KDM2A: variants seen among roughly 807,000 people sequenced by gnomAD.
The protein encoded by KDM2A is lysine demethylase 2A.
Under a neutral mutation model 137.3 loss-of-function variants are expected in KDM2A, and 3 were observed. That is an observed-to-expected ratio of 0.02 (90% CI 0.01 to 0.06). The LOEUF (loss-of-function observed/expected upper bound fraction) is 0.06, where lower values mean the gene tolerates loss of function less well. Among genes scored for constraint, KDM2A ranks in the 10% least tolerant of loss-of-function variants. The pLI, the probability that KDM2A is intolerant of heterozygous loss-of-function variation, is 1.00. For missense variants in KDM2A, 738 were observed against 1,510.6 expected, an observed-to-expected ratio of 0.49 and a Z score of 8.48; for synonymous variants, 512 against 541.5, an observed-to-expected ratio of 0.95 and a Z score of 0.76.
intron 2 of KDM2A, among the ~76,000 whole-genome samples, chr11:67,128,774 C>T (rs1855787865): frequency 6.6e-6 from 1 of 152,152 alleles, no homozygotes; most frequent in Non-Finnish European, 1.5e-5. Flanking sequence ...AGAGTTGGGG[C>T]TTTGTTTTTG....
At chr11:67,240,006 G>T in intron 12 of KDM2A, 1 of 1,270,916 alleles carries the variant, frequency 7.9e-7, no homozygotes, top group Non-Finnish European at 1.0e-6. Flanking sequence ...CCTCTGCCTG[G>T]CTCGCTCACT....
chr11:67,129,076 C>T (rs539209818), intron 2 of KDM2A, among the ~76,000 whole-genome samples: 1 of 152,114 alleles, frequency 6.6e-6, no homozygotes, highest in Non-Finnish European at 1.5e-5. Flanking sequence ...GAGCAAGACC[C>T]TGTCTCTAAA....
At chr11:67,234,381 A>C (rs900355633) in intron 12 of KDM2A, among the ~76,000 whole-genome samples, 2 of 152,212 alleles carry the variant, frequency 1.3e-5, no homozygotes, top group African/African-American at 2.4e-5. Context: ...GTTGTAACCT[A>C]TCTGGCTTTC....
intron 2 of KDM2A, among the ~76,000 whole-genome samples, chr11:67,179,659 G>A (rs1351204894): frequency 6.6e-6 from 1 of 152,152 alleles, no homozygotes; most frequent in Non-Finnish European, 1.5e-5. Flanking sequence ...ATGTGTTTTT[G>A]AGATTGCTTT....
At chr11:67,120,699 G>A (rs1209553842) in intron 1 of KDM2A, among the ~76,000 whole-genome samples, 1 of 152,172 alleles carries the variant, frequency 6.6e-6, no homozygotes, top group Non-Finnish European at 1.5e-5. Context: ...GTCTAGAAAG[G>A]AAGGCGACGA....
chr11:67,206,180 C>T (rs556797074), intron 5 of KDM2A, among the ~76,000 whole-genome samples: 1 of 152,298 alleles, frequency 6.6e-6, no homozygotes, highest in Admixed American at 6.5e-5. Context: ...TGTGTAATCC[C>T]AGCATTTTGG....
chr11:67,164,763 TA>T (rs1856704064), intron 2 of KDM2A, among the ~76,000 whole-genome samples: 1 of 151,782 alleles, frequency 6.6e-6, no homozygotes, highest in African/African-American at 2.4e-5. Context: ...TGGGACTGGT[TA>T]TTTTTTGTAT....
chr11:67,153,259 C>T (rs918260639), intron 2 of KDM2A, among the ~76,000 whole-genome samples: 4 of 152,084 alleles, frequency 2.6e-5, no homozygotes, highest in Non-Finnish European at 5.9e-5. Context: ...GCTGGGATTA[C>T]AGGTGTGAGC....
chr11:67,150,866 G>T (rs950082590), intron 2 of KDM2A, among the ~76,000 whole-genome samples: 27 of 151,966 alleles, frequency 1.8e-4, no homozygotes, highest in Admixed American at 3.9e-4. Flanking sequence ...AGGTGGGGGT[G>T]GGGTGGAGAA....
At chr11:67,126,537 G>C (rs1391993749) in intron 2 of KDM2A, among the ~76,000 whole-genome samples, 1 of 151,726 alleles carries the variant, frequency 6.6e-6, no homozygotes, top group Non-Finnish European at 1.5e-5. Flanking sequence ...GTGGAACCCT[G>C]TCTCTACTAA....
At chr11:67,181,517 T>C (rs574700420) in intron 4 of KDM2A, 119 bp downstream of exon 4, 506 of 679,968 alleles carry the variant, frequency 7.4e-4, no homozygotes, top group Non-Finnish European at 1.1e-3. Flanking sequence ...TTTCCCACTT[T>C]GTTTTAAAAG....
At chr11:67,240,032 C>G (rs1858980570) in intron 12 of KDM2A, 9 of 1,305,658 alleles carry the variant, frequency 6.9e-6, no homozygotes, top group South Asian at 4.8e-5. Flanking sequence ...TCGGCTCCCC[C>G]TCCTGCCATC....
chr11:67,254,056 A>G lies in KDM2A; in HGVS notation c.3092-147A>G. The G allele has an allele frequency of 1.5e-6, 1 of 656,556 alleles. No homozygotes were observed. Among genetic ancestry groups the G allele is most frequent in the Non-Finnish European group, 2.6e-6 (1 of 386,556 alleles). The allele number at this position is 656,556 out of a possible 1,614,324, so 40.7% of individuals were successfully genotyped here. On this transcript the variant is annotated intron_variant, in intron 19 of 20. Coordinates refer to ENST00000529006, the MANE Select transcript of KDM2A (RefSeq NM_012308.3). The surrounding 1 kb of genome is among the most constrained non-coding windows in gnomAD (Gnocchi z 4.7). ...TAGAAACTGCCTACACCCAGTGCTC[A>G]CACCCTGAAGGCATGGCTGGGTGTG...
intron 2 of KDM2A, among the ~76,000 whole-genome samples, chr11:67,150,127 A>C (rs1648904927): frequency 6.6e-6 from 1 of 152,242 alleles, no homozygotes; most frequent in South Asian, 2.1e-4. Context: ...TTACAACCCT[A>C]GACAAGTTTA....
intron 5 of KDM2A, among the ~76,000 whole-genome samples, chr11:67,204,578 G>T (rs1339139414): frequency 6.7e-6 from 1 of 150,302 alleles, no homozygotes; most frequent in South Asian, 2.1e-4. Context: ...TGCAAGCTCC[G>T]CCTCCTGGGT....
At position 67,155,937 on chromosome 11, in the gene KDM2A, TAA is replaced by T. The variant is rs770113717; in HGVS notation, c.43-24123_43-24122del. Among the ~76,000 whole-genome samples the T allele has an allele frequency of 1.1e-3, 117 of 104,272 alleles. 1 individual carries two copies. Among genetic ancestry groups the T allele is most frequent in the Middle Eastern group, 6.5e-3 (1 of 154 alleles). The allele number at this position is 104,272 out of a possible 152,430, so 68.4% of individuals were successfully genotyped here. On this transcript the variant is annotated intron_variant, in intron 2 of 20. Transcript: ENST00000529006. ...GGCCGGTTTTTATTTTTTAAACGGCTAAAAAAAAAAAAAAAAAAAATCACAGG... is the reference window on the plus strand; with the variant it reads ...GGCCGGTTTTTATTTTTTAAACGGCTAAAAAAAAAAAAAAAAAATCACAGG...
chr11:67,227,115 T>C (rs553504958), intron 10 of KDM2A, among the ~76,000 whole-genome samples: 61 of 152,322 alleles, frequency 4.0e-4, no homozygotes, highest in African/African-American at 1.5e-3. Flanking sequence ...GAAAATGCTC[T>C]TTTGGGAAGA....
chr11:67,167,502 A>G (rs900697845), intron 2 of KDM2A, among the ~76,000 whole-genome samples: 3 of 151,732 alleles, frequency 2.0e-5, no homozygotes, highest in Non-Finnish European at 4.4e-5. Context: ...TAGCTATTTG[A>G]CACTAGTTCT....
chr11:67,219,601 C>CTA (rs1858273432), intron 10 of KDM2A, 198 bp downstream of exon 10: 1 of 318,356 alleles, frequency 3.1e-6, no homozygotes. Context: ...GTTTTCCAGG[C>CTA]TAGAGTGCAG....
Sources: gnomAD v4.1 joint callset for allele counts (sites outside exome capture counted in the v4.1 genomes callset) on GRCh38, gnomAD v4.1.1 for gene constraint, Gnocchi (gnomAD v3.1) non-coding constraint, MANE v1.5 for transcripts, NCBI Gene and HGNC (gene_info 2026-07-23, HGNC 2026-07-21) for gene names.